The following USP45 variants were observed in gnomAD, a reference collection of about 807,000 sequenced individuals.
The protein encoded by USP45 is ubiquitin specific peptidase 45.
USP45 carries 89 observed loss-of-function variants against 95.8 expected under a neutral mutation model. That is an observed-to-expected ratio of 0.93 (90% confidence interval 0.78 to 1.11). The LOEUF (loss-of-function observed/expected upper bound fraction) is 1.11, where lower values mean the gene tolerates loss of function less well. Among genes scored for constraint, USP45 ranks in the 50% least tolerant of loss-of-function variants. The pLI, the probability that USP45 is intolerant of heterozygous loss-of-function variation, is 0.00. For missense variants in USP45, 898 were observed against 942.5 expected (o/e 0.95, Z 0.62); for synonymous variants, 281 against 316.2 (o/e 0.89, Z 1.18).
At chr6:99,448,211 GAGA>G (rs1473400698) in intron 13 of USP45, among the ~76,000 whole-genome samples, 1 of 152,236 alleles carries the variant, frequency 6.6e-6, no homozygotes, top group East Asian at 1.9e-4. Flanking sequence ...GACGAGTTGA[GAGA>G]AGAAGGCTTC....
At chr6:99,449,336 A>C (rs1783305273) in intron 13 of USP45, among the ~76,000 whole-genome samples, 1 of 152,214 alleles carries the variant, frequency 6.6e-6, no homozygotes, top group South Asian at 2.1e-4. Flanking sequence ...TCTACCAAGC[A>C]AATGGAAAAC....
chr6:99,502,788 T>C (rs73496877), intron 5 of USP45, among the ~76,000 whole-genome samples: 5,670 of 152,258 alleles, frequency 0.037, 292 homozygotes, highest in East Asian at 0.27. Context: ...CAGTGTGTTC[T>C]CACAAGATCT....
intron 12 of USP45, 88 bp from the exon 13 acceptor site, chr6:99,464,835 A>T: frequency 7.3e-7 from 1 of 1,367,474 alleles, no homozygotes; most frequent in Non-Finnish European, 9.8e-7. Flanking sequence ...CTGACTTGAA[A>T]TACAAAAAAT....
chr6:99,509,971 T>A (rs1460346028), intron 2 of USP45, 150 bp downstream of exon 2: 3 of 611,670 alleles, frequency 4.9e-6, no homozygotes, highest in South Asian at 4.4e-5. Flanking sequence ...TTTTCACGCA[T>A]CCCAAGAATA....
intron 5 of USP45, among the ~76,000 whole-genome samples, chr6:99,493,304 AC>A (rs1795598839): frequency 6.6e-6 from 1 of 151,526 alleles, no homozygotes; most frequent in Non-Finnish European, 1.5e-5. Context: ...GGGATTACAA[AC>A]ATGAGCCACC....
At chr6:99,505,954 G>A (rs1798438124) in intron 4 of USP45, among the ~76,000 whole-genome samples, 1 of 152,148 alleles carries the variant, frequency 6.6e-6, no homozygotes, top group Non-Finnish European at 1.5e-5. Flanking sequence ...CACCATTGCT[G>A]TCTCCATTGG....
chr6:99,442,218 G>C (rs1447607955), intron 15 of USP45, among the ~76,000 whole-genome samples: 2 of 152,220 alleles, frequency 1.3e-5, no homozygotes, highest in East Asian at 3.8e-4. Flanking sequence ...CATGAAATTA[G>C]CTTCTGCAAT....
intron 9 of USP45, among the ~76,000 whole-genome samples, chr6:99,472,278 C>T (rs1434831863): frequency 1.3e-5 from 2 of 148,804 alleles, no homozygotes; most frequent in Non-Finnish European, 3.0e-5. Flanking sequence ...AGTGCAGTGC[C>T]GCGATCACAG....
In USP45 at chr6:99,435,517, T is replaced by G; in HGVS notation, c.*199A>C. The stretch of plus-strand genomic sequence containing the variant: ...AAATACCTGGAAACAAAATTCACAT[T>G]TATTTTAAGACTATGAATTTTAAAG... On this transcript the variant is annotated 3_prime_UTR_variant, in exon 18 of 18. Coordinates refer to ENST00000500704, the MANE Select transcript of USP45 (RefSeq NM_001346022.3). 2.4e-6 allele frequency: 1 copy of G among 411,642 alleles called. No individual in the cohort carries two copies. Among genetic ancestry groups the G allele is most frequent in the South Asian group, 8.4e-5 (1 of 11,872 alleles). 25.5% of individuals were successfully genotyped at this position (411,642 alleles called of 1,614,324 possible). A position where few individuals can be genotyped will look rare whatever the true frequency, so the allele number is the denominator to read the frequency against.
chr6:99,492,659 T>C, intron 5 of USP45, among the ~76,000 whole-genome samples: 1 of 38,484 alleles, frequency 2.6e-5, no homozygotes, highest in East Asian at 0.042. Context: ...CATGCCTAAC[T>C]TTTTGTATTT....
At chr6:99,471,479 GATA>G (rs1309484916) in intron 9 of USP45, among the ~76,000 whole-genome samples, 30 of 152,124 alleles carry the variant, frequency 2.0e-4, no homozygotes, top group Admixed American at 8.5e-4. Flanking sequence ...AAATCTTGAA[GATA>G]ATAAAAATAT....
At chr6:99,501,425 G>A (rs1035830154) in intron 5 of USP45, among the ~76,000 whole-genome samples, 2 of 151,944 alleles carry the variant, frequency 1.3e-5, no homozygotes, top group Non-Finnish European at 2.9e-5. Context: ...CATCTACCTC[G>A]TAACTTCATC....
intron 13 of USP45, among the ~76,000 whole-genome samples, chr6:99,452,395 C>T (rs1784094731): frequency 6.6e-6 from 1 of 152,284 alleles, no homozygotes; most frequent in Middle Eastern, 3.4e-3. Context: ...CAAAAGAAGA[C>T]ATTTATGCAG....
At chr6:99,441,260 G>A (rs1297509510) in intron 15 of USP45, among the ~76,000 whole-genome samples, 2 of 152,084 alleles carry the variant, frequency 1.3e-5, no homozygotes, top group Non-Finnish European at 2.9e-5. Flanking sequence ...GGCCGGGCAC[G>A]GTGGCTCATG....
At chr6:99,497,374 A>G (rs1796525287) in intron 5 of USP45, among the ~76,000 whole-genome samples, 1 of 152,136 alleles carries the variant, frequency 6.6e-6, no homozygotes, top group African/African-American at 2.4e-5. Context: ...TGCTTAATGC[A>G]ATTACCTAAA....
intron 1 of USP45, among the ~76,000 whole-genome samples, chr6:99,511,801 C>G (rs1799869888): frequency 1.4e-5 from 2 of 139,802 alleles, no homozygotes; most frequent in South Asian, 4.5e-4. Flanking sequence ...ATCTAAATAT[C>G]AATATGTGTG....
At chr6:99,482,954 TAC>T in intron 7 of USP45, 71 bp from the exon 8 acceptor site, 1 of 1,302,000 alleles carries the variant, frequency 7.7e-7, no homozygotes, top group Non-Finnish European at 1.0e-6. Context: ...ATCTGTGAGT[TAC>T]ACTCTGCTTA....
intron 8 of USP45, among the ~76,000 whole-genome samples, chr6:99,479,693 T>C (rs548329252): frequency 6.9e-6 from 1 of 145,332 alleles, no homozygotes; most frequent in East Asian, 2.0e-4. Flanking sequence ...AAAGAAAAAC[T>C]AAGAATAATT....
At chr6:99,493,339 A>G (rs574814794) in intron 5 of USP45, among the ~76,000 whole-genome samples, 76 of 152,058 alleles carry the variant, frequency 5.0e-4, no homozygotes, top group Non-Finnish European at 9.3e-4. Context: ...CCTTAAATTT[A>G]TGATAACTGT....
Sources: gnomAD v4.1 joint callset for allele counts (sites outside exome capture counted in the v4.1 genomes callset) on GRCh38, gnomAD v4.1.1 for gene constraint, MANE v1.5 for transcripts, NCBI Gene and HGNC (gene_info 2026-07-23, HGNC 2026-07-21) for gene names.